The following C1RL variants were observed in gnomAD, a reference collection of about 807,000 sequenced individuals.
C1RL encodes the protein complement C1r subcomponent like.
In C1RL, 27 loss-of-function variants were observed where a neutral mutation model predicts 27.9. That is an observed-to-expected ratio of 0.97 (90% CI 0.71 to 1.33). The LOEUF is 1.33. C1RL is among the 40% of genes most tolerant of loss of function. The probability of loss-of-function intolerance (pLI) is 0.00; values close to 1 mark genes in which losing one functional copy is unlikely to be tolerated. For missense variants in C1RL, 563 were observed against 623.9 expected (o/e 0.90, Z 1.04); for synonymous variants, 248 against 252.1 (o/e 0.98, Z 0.15).
At chr12:7,107,606 TG>T (rs1472066656) in intron 2 of C1RL, among the ~76,000 whole-genome samples, 1 of 152,140 alleles carries the variant, frequency 6.6e-6, no homozygotes, top group Non-Finnish European at 1.5e-5. Flanking sequence ...CAAAAGATAA[TG>T]TGCTCTTTTT....
Position 7,095,220 on chromosome 12 carries a change from A to G in C1RL, c.*1171T>C. 2.3e-6 allele frequency: 2 copies of G among 879,218 alleles called. No homozygotes were observed. The highest frequency in any genetic ancestry group is 1.8e-5 in the South Asian group (1 of 56,802). 54.5% of individuals were successfully genotyped at this position (879,218 alleles called of 1,614,324 possible). A position where few individuals can be genotyped will look rare whatever the true frequency, so the allele number is the denominator to read the frequency against. On this transcript the variant is annotated 3_prime_UTR_variant, in exon 6 of 6. Transcript: ENST00000266542. ...AACCTCCGCCTCCCAGGTTCAAGTG[A>G]TTCTCCTGCCTCAGCCTCCCGAGTA...
chr12:7,099,429 G>T, intron 5 of C1RL: 4 of 981,760 alleles, frequency 4.1e-6, no homozygotes, highest in Non-Finnish European at 4.8e-6. Context: ...CAGCTTGTTG[G>T]TCTCTCTTCC....
At chr12:7,108,910 A>T (rs1938848237) in intron 1 of C1RL, 200 bp downstream of exon 1, 1 of 571,264 alleles carries the variant, frequency 1.8e-6, no homozygotes, top group Admixed American at 2.8e-5. Flanking sequence ...CAGTCTCCCC[A>T]TGGAATATCT....
intron 2 of C1RL, among the ~76,000 whole-genome samples, chr12:7,102,943 T>C (rs900408945): frequency 1.3e-5 from 2 of 152,246 alleles, no homozygotes; most frequent in Non-Finnish European, 2.9e-5. Flanking sequence ...CTGGTTTTCA[T>C]ACTGATCCAT....
At chr12:7,106,441 A>T (rs149789069) in intron 2 of C1RL, among the ~76,000 whole-genome samples, 4 of 152,306 alleles carry the variant, frequency 2.6e-5, no homozygotes, top group Non-Finnish European at 5.9e-5. Flanking sequence ...CAAAAAAGAG[A>T]AAGGTATGGG....
intron 2 of C1RL, among the ~76,000 whole-genome samples, chr12:7,103,035 CATT>C (rs1938668553): frequency 1.3e-5 from 2 of 152,212 alleles, no homozygotes; most frequent in South Asian, 4.1e-4. Context: ...CAGACCATGT[CATT>C]ATGATCAGAG....
intron 3 of C1RL, 66 bp downstream of exon 3, chr12:7,101,832 T>G (rs375511695): frequency 2.6e-6 from 4 of 1,531,700 alleles, no homozygotes; most frequent in Non-Finnish European, 3.6e-6. Flanking sequence ...ACTTAAGGCT[T>G]GAAGATACCA....
chr12:7,105,823 T>C (rs1318058483), intron 2 of C1RL, among the ~76,000 whole-genome samples: 2 of 152,142 alleles, frequency 1.3e-5, no homozygotes, highest in Non-Finnish European at 2.9e-5. Context: ...TGAAATAATA[T>C]GTCAGTGGAA....
rs781408421 is a variant in C1RL at position 7,096,975 on chromosome 12, TGAGA to T, written c.876_879del (p.Leu293GlyfsTer6). 2 of 1,614,086 alleles carry T rather than the reference TGAGA, an allele frequency of 1.2e-6. No homozygotes were observed. Among genetic ancestry groups the T allele is most frequent in the Non-Finnish European group, 1.7e-6 (2 of 1,179,960 alleles). ...AACACATTCACACTCTGGTTCTTCC[TGAGA>T]GAAACACTGTCCTTGGGGTAGATGG... On this transcript the variant is annotated frameshift_variant, in exon 6 of 6. Coordinates refer to ENST00000266542, the MANE Select transcript of C1RL (RefSeq NM_016546.4). LOFTEE classifies it low-confidence loss of function (END_TRUNC).
Position 7,108,724 on chromosome 12 carries a change from C to T in C1RL, c.72-245G>A, listed in dbSNP as rs1165650322. 1.1e-5 allele frequency: 6 copies of T among 568,740 alleles called. No homozygotes were observed. In the African/African-American group the frequency reaches 1.1e-4, roughly 11 times the overall value. 35.2% of individuals were successfully genotyped at this position (568,740 alleles called of 1,614,324 possible). On this transcript the variant is annotated intron_variant, in intron 1 of 5. Coordinates refer to ENST00000266542, the MANE Select transcript of C1RL (RefSeq NM_016546.4). ...TTGTGGGTTTTCCATCCTCCGAAGA[C>T]ATCACCTTTGCTCATCTCCCAGGAG... is the stretch of plus-strand genomic sequence containing the variant.
rs150412234 is a variant in C1RL, at chr12:7,103,388, G to A, written c.301-1301C>T. ...GCTACTAATTCCATGTGTGAAATGG[G>A]GAGTTTCTGAAGCACCCAAGATCTC... On this transcript the variant is annotated intron_variant, in intron 2 of 5. Transcript: ENST00000266542. Among the ~76,000 whole-genome samples, 520 of 152,224 alleles carry A rather than the reference G, an allele frequency of 3.4e-3. 3 individuals are homozygous for A. The highest frequency in any genetic ancestry group is 0.011 in the African/African-American group (464 of 41,512).
Position 7,096,651 on chromosome 12 carries a change from A to G in C1RL, c.1204T>C (p.Cys402Arg). Reference protein sequence around the residue: ...SRLPVAPREACNAWLQKRQRP... With the variant: ...SRLPVAPREARNAWLQKRQRP... ...TGTCTCTTTTGGAGCCAGGCGTTGC[A>G]GGCCTCCCTGGGAGCTACAGGCAGC... The change falls in exon 6 of 6, where the codon TGC (cysteine) becomes CGC (arginine). Residue 402 changes from cysteine (C) to arginine (R), a missense_variant. Transcript: ENST00000266542. The G allele has an allele frequency of 1.2e-6, 2 of 1,614,126 alleles. No individual in the cohort carries two copies. Among genetic ancestry groups the G allele is most frequent in the Non-Finnish European group, 8.5e-7 (1 of 1,180,010 alleles).
At chr12:7,102,987 C>T (rs1938667788) in intron 2 of C1RL, among the ~76,000 whole-genome samples, 1 of 152,232 alleles carries the variant, frequency 6.6e-6, no homozygotes, top group Admixed American at 6.5e-5. Flanking sequence ...TCCATTCCCT[C>T]ATTCTCCACA....
chr12:7,096,932 A>T lies in C1RL; in HGVS notation c.923T>A (p.Ile308Lys), dbSNP rs1472553293. The T allele has an allele frequency of 1.2e-6, 2 of 1,610,746 alleles. No individual in the cohort carries two copies. The highest frequency in any genetic ancestry group is 3.3e-5 in the Admixed American group (2 of 59,802). The change falls in exon 6 of 6, where the codon ATA (isoleucine) becomes AAA (lysine). Residue 308 changes from isoleucine (I) to lysine (K), a missense_variant. Ile to Lys is a moderately radical substitution (Grantham distance 102). Coordinates refer to ENST00000266542, the MANE Select transcript of C1RL (RefSeq NM_016546.4). ...SVNVFLGHTA[I>K]DEMLKLGNHP... is the part of the protein sequence containing the mutation. ...GTTCCCCAGTTTCAGCATCTCATCTATGGCTGTGTGGCCCAAGAACACATT... is the reference window on the plus strand; with the variant it reads ...GTTCCCCAGTTTCAGCATCTCATCTTTGGCTGTGTGGCCCAAGAACACATT...
In C1RL at chr12:7,096,280, T is replaced by TGGG; in HGVS notation, c.*110_*111insCCC. On this transcript the variant is annotated 3_prime_UTR_variant, in exon 6 of 6. Coordinates refer to ENST00000266542, the MANE Select transcript of C1RL (RefSeq NM_016546.4). The stretch of plus-strand genomic sequence containing the variant: ...GTGATGTGAATAGGATTTCCCTGCC[T>TGGG]CCCCCAACCCCCCACCCCCAACCCC... 6.0e-6 allele frequency: 6 copies of TGGG among 992,550 alleles called. No homozygotes were observed. Among genetic ancestry groups the TGGG allele is most frequent in the Non-Finnish European group, 7.2e-6 (6 of 832,080 alleles). The allele number at this position is 992,550 out of a possible 1,614,324, so 61.5% of individuals were successfully genotyped here.
chr12:7,099,357 A>G (rs1565635964), intron 5 of C1RL: 3 of 502,728 alleles, frequency 6.0e-6, no homozygotes, highest in Non-Finnish European at 7.7e-6. Flanking sequence ...TATTTTAGGA[A>G]TAGAGAGCCT....
At chr12:7,108,610 C>G in intron 1 of C1RL, 131 bp from the exon 2 acceptor site, 2 of 682,968 alleles carry the variant, frequency 2.9e-6, no homozygotes, top group South Asian at 1.9e-5. Flanking sequence ...GTGGCCTCAC[C>G]CTTGAGGCCC....
chr12:7,103,929 G>A (rs1938693539), intron 2 of C1RL, among the ~76,000 whole-genome samples: 1 of 152,128 alleles, frequency 6.6e-6, no homozygotes. Flanking sequence ...ATCCTGACTG[G>A]TTAAGTCTGA....
chr12:7,108,978 T>TGGGGGAG (rs1938855920), intron 1 of C1RL, 132 bp downstream of exon 1: 3 of 164,104 alleles, frequency 1.8e-5, no homozygotes, highest in South Asian at 1.6e-4. Flanking sequence ...TGTGTGTGTG[T>TGGGGGAG]GTGTGTGTGT....
Sources: allele counts gnomAD v4.1 joint callset (sites outside exome capture counted in the v4.1 genomes callset), GRCh38; gene constraint gnomAD v4.1.1; transcripts MANE v1.5; gene names NCBI Gene and HGNC (gene_info 2026-07-23, HGNC 2026-07-21).